The following RYR3 variants were observed in gnomAD, a reference collection of about 807,000 sequenced individuals.
RYR3 encodes brain ryanodine receptor-calcium release channel.
A neutral mutation model predicts 584.3 loss-of-function variants in RYR3; 207 were observed. The ratio of observed to expected loss-of-function variants is 0.35; its 90% CI spans 0.32 to 0.40. The LOEUF (loss-of-function observed/expected upper bound fraction) is 0.40. Among genes scored for constraint, RYR3 ranks in the 10% least tolerant of loss-of-function variants. The probability of loss-of-function intolerance (pLI) is 1.00; values close to 1 mark genes in which losing one functional copy is unlikely to be tolerated. For missense variants in RYR3, 5,616 were observed against 6,089.2 expected (o/e 0.92, Z 2.59); for synonymous variants, 2,416 against 2,248.5 (o/e 1.07, Z -2.11).
intron 5 of RYR3, among the ~76,000 whole-genome samples, chr15:33,538,257 A>G (rs984761263): frequency 1.3e-5 from 2 of 152,288 alleles, no homozygotes; most frequent in Middle Eastern, 6.8e-3. Context: ...AAAGCTGACT[A>G]GAAGCTGGCT....
intron 11 of RYR3, among the ~76,000 whole-genome samples, chr15:33,565,570 A>G (rs1435119): frequency 3.3e-5 from 5 of 152,150 alleles, no homozygotes; most frequent in East Asian, 1.9e-4. Flanking sequence ...TCTTTATTCT[A>G]TAGATATTTT....
chr15:33,845,656 T>C (rs1300973444), intron 93 of RYR3, among the ~76,000 whole-genome samples: 1 of 152,230 alleles, frequency 6.6e-6, no homozygotes, highest in Non-Finnish European at 1.5e-5. Context: ...CCATTTCAGG[T>C]ACCTCTTGTT....
rs142073143 is a variant in RYR3, at chr15:33,410,498, T to C, written c.52-62921T>C. ...CCTCATTATTCAAACTCAGGACCAG[T>C]CATCCGTAATAGATTTGAGAAGAGA... On this transcript the variant is annotated intron_variant, in intron 1 of 103. Coordinates refer to ENST00000634891, the MANE Select transcript of RYR3 (RefSeq NM_001036.6). 4.4e-3 allele frequency among the ~76,000 whole-genome samples: 664 copies of C among 152,350 alleles called. 5 individuals are homozygous for C. The highest frequency in any genetic ancestry group is 0.015 in the African/African-American group (631 of 41,572).
intron 69 of RYR3, among the ~76,000 whole-genome samples, chr15:33,804,820 A>C (rs1254245970): frequency 1.3e-5 from 2 of 152,096 alleles, no homozygotes; most frequent in African/African-American, 2.4e-5. Context: ...TCCACTCTTA[A>C]CTGAATTCTG....
chr15:33,521,906 G>A (rs1207023737), intron 3 of RYR3, among the ~76,000 whole-genome samples: 2 of 152,120 alleles, frequency 1.3e-5, no homozygotes, highest in South Asian at 2.1e-4. Context: ...GAATTTGGGG[G>A]AAGTAGTACT....
intron 39 of RYR3, 72 bp downstream of exon 39, chr15:33,696,563 G>C: frequency 7.0e-7 from 1 of 1,423,516 alleles, no homozygotes; most frequent in Non-Finnish European, 9.7e-7. Flanking sequence ...CCTTGATATA[G>C]AGATATAGTG....
intron 89 of RYR3, among the ~76,000 whole-genome samples, 152 bp downstream of exon 89, chr15:33,839,110 C>T (rs1567291045): frequency 6.6e-6 from 1 of 152,206 alleles, no homozygotes; most frequent in Non-Finnish European, 1.5e-5. Context: ...TATAATTCCA[C>T]CTCTGACATG....
At position 33,725,992 on chromosome 15, in the gene RYR3, A is replaced by AAAC. The variant is rs2068415300; in HGVS notation, c.6913-392_6913-391insCAA. 1.4e-5 allele frequency among the ~76,000 whole-genome samples: 2 copies of AAAC among 141,652 alleles called. 1 individual carries two copies. Among genetic ancestry groups the AAAC allele is most frequent in the Non-Finnish European group, 3.1e-5 (2 of 64,136 alleles). 92.9% of individuals were successfully genotyped at this position (141,652 alleles called of 152,430 possible). On this transcript the variant is annotated intron_variant, in intron 45 of 103. Transcript: ENST00000634891. ...CCCCCCCCCCAAAAAAAAAAAAAAA[A>AAAC]AAAAACAGAATTCTAGAGTCTGGCA... is the stretch of plus-strand genomic sequence containing the variant.
At chr15:33,424,311 C>T (rs556968733) in intron 1 of RYR3, among the ~76,000 whole-genome samples, 3 of 152,314 alleles carry the variant, frequency 2.0e-5, no homozygotes, top group Non-Finnish European at 4.4e-5. Flanking sequence ...ACAGGTCAAG[C>T]CCTTAGTACA....
In RYR3 at chr15:33,700,663, T is replaced by G. The variant is rs61179717; in HGVS notation, c.6380-314T>G. Among the ~76,000 whole-genome samples, 189 of 152,276 alleles carry G rather than the reference T, an allele frequency of 1.2e-3. 1 individual carries two copies. Among genetic ancestry groups the G allele is most frequent in the African/African-American group, 4.5e-3 (185 of 41,552 alleles). On this transcript the variant is annotated intron_variant, in intron 41 of 103. Coordinates refer to ENST00000634891, the MANE Select transcript of RYR3 (RefSeq NM_001036.6). ...ATATACAGGTTCCACTGGGCTTAGT[T>G]GGTCGAGTGGCATCTGATATGGGGG...
chr15:33,417,989 G>GT (rs1158292278), intron 1 of RYR3, among the ~76,000 whole-genome samples: 2 of 152,050 alleles, frequency 1.3e-5, no homozygotes, highest in African/African-American at 4.8e-5. Flanking sequence ...ATCAAATTGC[G>GT]TATGTTGAAC....
At chr15:33,511,126 A>AT (rs553073729) in intron 3 of RYR3, among the ~76,000 whole-genome samples, 25 of 149,836 alleles carry the variant, frequency 1.7e-4, no homozygotes, top group East Asian at 7.8e-4. Flanking sequence ...TCTTGGGTGG[A>AT]TTTTTTTTTT....
In RYR3 at chr15:33,479,486, C is replaced by CTTTTT. The variant is rs376160496; in HGVS notation, c.171+5960_171+5964dup. ...AGAGGCATATAAGCTGAGATTTTGA[C>CTTTTT]TTTTTTTTTTTTTTTTAACATTTAT... On this transcript the variant is annotated intron_variant, in intron 2 of 103. Coordinates refer to ENST00000634891, the MANE Select transcript of RYR3 (RefSeq NM_001036.6). 1.3e-3 allele frequency among the ~76,000 whole-genome samples: 179 copies of CTTTTT among 135,864 alleles called. 1 individual carries two copies. The highest frequency in any genetic ancestry group is 4.6e-3 in the African/African-American group (175 of 37,962). The allele number at this position is 135,864 out of a possible 152,430, so 89.1% of individuals were successfully genotyped here.
At position 33,390,053 on chromosome 15, in the gene RYR3, T is replaced by C. The variant is rs1316911893; in HGVS notation, c.51+78957T>C. 6.6e-6 allele frequency among the ~76,000 whole-genome samples: 1 copy of C among 152,226 alleles called. No individual in the cohort carries two copies. The highest frequency in any genetic ancestry group is 2.4e-5 in the African/African-American group (1 of 41,466). On this transcript the variant is annotated intron_variant, in intron 1 of 103. Transcript: ENST00000634891. This position sits in a 1 kb window ranked among gnomAD's most constrained non-coding sequence, Gnocchi z 4.2. ...CTATCATTTCAGGTATGTAAATTAT[T>C]GCTGAAAACATGGTTTATGTTTGTG...
At position 33,785,845 on chromosome 15, in the gene RYR3, A is replaced by C. The variant is rs745639804; in HGVS notation, c.9452A>C (p.Glu3151Ala). Residue 3151 changes from glutamate (E) to alanine (A), a missense_variant, in exon 66 of 104, where the codon GAG (glutamate) becomes GCG (alanine). Coordinates refer to ENST00000634891, the MANE Select transcript of RYR3 (RefSeq NM_001036.6). ...YLSYWWERGP[E>A]NLPPSTGPCC... Reference sequence around the variant, plus strand: ...TCCTACTGGTGGGAGCGGGGTCCTGAGAACCTGCCCCCCAGCACAGGGCCA... The same window carrying C: ...TCCTACTGGTGGGAGCGGGGTCCTGCGAACCTGCCCCCCAGCACAGGGCCA... The C allele has an allele frequency of 4.3e-6, 7 of 1,613,796 alleles. No individual in the cohort carries two copies. Among genetic ancestry groups the C allele is most frequent in the Non-Finnish European group, 5.9e-6 (7 of 1,179,872 alleles).
chr15:33,627,077 C>T (rs892445071), intron 20 of RYR3, among the ~76,000 whole-genome samples: 1 of 152,122 alleles, frequency 6.6e-6, no homozygotes, highest in African/African-American at 2.4e-5. Context: ...CAGCTTGCAC[C>T]ATGCACCTGG....
chr15:33,356,472 A>C (rs16969998), intron 1 of RYR3, among the ~76,000 whole-genome samples: 11,966 of 152,252 alleles, frequency 0.079, 555 homozygotes, highest in Middle Eastern at 0.12. Flanking sequence ...TAGGCTTAGA[A>C]GTCTGAATTT....
chr15:33,835,255 C>G (rs6495270), intron 87 of RYR3, among the ~76,000 whole-genome samples, 183 bp downstream of exon 87: 147,921 of 152,320 alleles, frequency 0.97, 71,964 homozygotes, highest in Middle Eastern at 1. Context: ...CGGAGGGGCG[C>G]GGGGTCCCAG....
intron 16 of RYR3, among the ~76,000 whole-genome samples, chr15:33,592,287 A>G (rs640152): frequency 0.69 from 104,550 of 152,110 alleles, 36,438 homozygotes; most frequent in African/African-American, 0.82. Context: ...ACAATAAGGT[A>G]TTTACAAGTC....
Sources: allele counts gnomAD v4.1 joint callset (sites outside exome capture counted in the v4.1 genomes callset), GRCh38; gene constraint gnomAD v4.1.1; non-coding constraint Gnocchi (gnomAD v3.1); transcripts MANE v1.5; gene names NCBI Gene and HGNC (gene_info 2026-07-23, HGNC 2026-07-21).